Variants in PHC2 observed in about 807,000 individuals in gnomAD.
The protein encoded by PHC2 is polyhomeotic homolog 2.
Under a neutral mutation model 87.4 loss-of-function variants are expected in PHC2, and 29 were observed. That is an observed-to-expected ratio of 0.33 (90% confidence interval 0.25 to 0.45). The LOEUF is 0.45. Ranked by LOEUF, PHC2 falls within the 20% of genes least tolerant of loss-of-function variation. PHC2 has a pLI of 1.00. For missense variants in PHC2, 857 were observed against 1,136.7 expected, an observed-to-expected ratio of 0.75 and a Z score of 3.54; for synonymous variants, 438 against 461.7, an observed-to-expected ratio of 0.95 and a Z score of 0.66.
chr1:33,392,378 ATTCACATGCGCG>A (rs1426323714), intron 1 of PHC2, among the ~76,000 whole-genome samples: 1 of 152,178 alleles, frequency 6.6e-6, no homozygotes, highest in Non-Finnish European at 1.5e-5. Flanking sequence ...GTTATGCCTC[ATTCACATGCGCG>A]TTCTCACGTT....
rs1646571432 is a variant in PHC2 at position 33,334,170 on chromosome 1, G to A, written c.1681C>T (p.Pro561Ser). The A allele has an allele frequency of 4.3e-6, 7 of 1,613,844 alleles. No individual in the cohort carries two copies. The East Asian group carries it at 1.1e-4, about 26-fold the overall frequency. ...ATTTGGGGTTTCACAATGGCCTGTG[G>A]TGGTTTATTCTCACCATTCTGGGGG... is the stretch of plus-strand genomic sequence containing the variant. ...TAPQNGENKP[P>S]QAIVKPQILT... The change falls in exon 10 of 15, where the codon CCA (proline) becomes TCA (serine). Residue 561 changes from proline (P) to serine (S), a missense_variant. Pro to Ser is a moderately conservative substitution (Grantham distance 74). This residue lies in a region of PHC2 where 832 missense variants were observed against 1,081.8 expected (regional missense o/e 0.77). Coordinates refer to ENST00000683057, the MANE Select transcript of PHC2 (RefSeq NM_001385109.1). This position sits in a 1 kb window ranked among gnomAD's most constrained non-coding sequence, Gnocchi z 5.5.
chr1:33,353,746 G>A (rs1647016872), intron 9 of PHC2, among the ~76,000 whole-genome samples: 1 of 152,214 alleles, frequency 6.6e-6, no homozygotes, highest in African/African-American at 2.4e-5. Context: ...ACAGTGCTGT[G>A]CAAACTGGCA....
intron 9 of PHC2, chr1:33,335,476 G>C: frequency 3.7e-6 from 1 of 270,980 alleles, no homozygotes; most frequent in Non-Finnish European, 5.7e-6. Context: ...CACTTGTTAA[G>C]TAATCTTTGC....
chr1:33,346,592 C>T, intron 9 of PHC2: 1 of 985,362 alleles, frequency 1.0e-6, no homozygotes, highest in Non-Finnish European at 1.2e-6. Flanking sequence ...TCTTGGTAAA[C>T]ACCGTACTAA....
At chr1:33,404,215 T>C (rs1331831128) in intron 1 of PHC2, among the ~76,000 whole-genome samples, 2 of 152,252 alleles carry the variant, frequency 1.3e-5, no homozygotes, top group African/African-American at 4.8e-5. Flanking sequence ...CCAGTCATCC[T>C]TGACAATTTT....
At chr1:33,396,956 G>A (rs1438294520) in intron 1 of PHC2, among the ~76,000 whole-genome samples, 7 of 152,192 alleles carry the variant, frequency 4.6e-5, no homozygotes, top group Non-Finnish European at 7.3e-5. Context: ...AATGCCACTC[G>A]CTCTTTGGTT....
chr1:33,409,780 A>G (rs1649910223), intron 1 of PHC2, among the ~76,000 whole-genome samples: 1 of 152,198 alleles, frequency 6.6e-6, no homozygotes, highest in East Asian at 1.9e-4. Flanking sequence ...CTCATAATAT[A>G]TATTTGGTGA....
Position 33,421,378 on chromosome 1 carries a change from GA to G in PHC2, c.-55+9597del, listed in dbSNP as rs113975258. Reference sequence around the variant, plus strand: ...CAGTACTTGAGGTTGGGGGAAATAAGAAAAAAAATAAGAATTTAAATAGCAG... The same window carrying G: ...CAGTACTTGAGGTTGGGGGAAATAAGAAAAAAATAAGAATTTAAATAGCAG... On this transcript the variant is annotated intron_variant, in intron 1 of 14. Coordinates refer to ENST00000683057, the MANE Select transcript of PHC2 (RefSeq NM_001385109.1). 1.5e-3 allele frequency among the ~76,000 whole-genome samples: 230 copies of G among 151,662 alleles called. 4 individuals carry two copies. The highest frequency in any genetic ancestry group is 4.4e-3 in the African/African-American group (184 of 41,380).
intron 1 of PHC2, among the ~76,000 whole-genome samples, chr1:33,424,833 A>C (rs1349085424): frequency 6.6e-6 from 1 of 152,232 alleles, no homozygotes; most frequent in Non-Finnish European, 1.5e-5. Context: ...AGCCATAATA[A>C]GGCCCTGGAA....
Position 33,413,844 on chromosome 1 carries a change from T to C in PHC2, c.-55+17132A>G, listed in dbSNP as rs115832907. Among the ~76,000 whole-genome samples, 1,170 of 152,316 alleles carry C rather than the reference T, an allele frequency of 7.7e-3. 9 individuals carry two copies. Among genetic ancestry groups the C allele is most frequent in the African/African-American group, 0.027 (1,121 of 41,554 alleles). On this transcript the variant is annotated intron_variant, in intron 1 of 14. Coordinates refer to ENST00000683057, the MANE Select transcript of PHC2 (RefSeq NM_001385109.1). ...TAATGAAAAAAGCTGTAATTATCCA[T>C]CAAACTCTGTCTTCGAATGCCTCCT...
chr1:33,377,990 T>G (rs1353613501), intron 1 of PHC2, among the ~76,000 whole-genome samples: 1 of 152,220 alleles, frequency 6.6e-6, no homozygotes, highest in Admixed American at 6.5e-5. Flanking sequence ...CTCTTGACCT[T>G]ACTCTTTAAG....
rs1239776430 is a variant in PHC2 at position 33,324,161 on chromosome 1, C to T, written c.*704G>A. The T allele has an allele frequency of 2.0e-5, 3 of 152,784 alleles. No homozygotes were observed. The highest frequency in any genetic ancestry group is 7.2e-5 in the African/African-American group (3 of 41,452). 9.5% of individuals were successfully genotyped at this position (152,784 alleles called of 1,614,324 possible). On this transcript the variant is annotated 3_prime_UTR_variant, in exon 15 of 15. Transcript: ENST00000683057. ...CTGCCATTCTTGGCTATTCCCCATC[C>T]TGAGGCTGAGTGGAGTCCAGGACAA...
intron 1 of PHC2, among the ~76,000 whole-genome samples, chr1:33,390,738 T>C (rs994268803): frequency 4.0e-5 from 6 of 151,724 alleles, no homozygotes; most frequent in African/African-American, 1.5e-4. Context: ...TTAGGCCTTG[T>C]ACACCACATA....
At chr1:33,375,262 A>C in intron 2 of PHC2, 104 bp downstream of exon 2, 2 of 949,716 alleles carry the variant, frequency 2.1e-6, no homozygotes, top group Non-Finnish European at 3.0e-6. Context: ...TGCCCGTTCT[A>C]GAGTCCACAT....
intron 14 of PHC2, chr1:33,325,843 C>T (rs753353921): frequency 1.5e-5 from 7 of 456,484 alleles, no homozygotes; most frequent in Middle Eastern, 3.3e-4. Context: ...GTGGGCGTGG[C>T]CTCAGAACTG....
At chr1:33,386,814 C>A (rs1300221744) in intron 1 of PHC2, among the ~76,000 whole-genome samples, 1 of 151,984 alleles carries the variant, frequency 6.6e-6, no homozygotes, top group Non-Finnish European at 1.5e-5. Flanking sequence ...GCACACACAC[C>A]CTGCACACAT....
Position 33,349,270 on chromosome 1 carries a change from G to A in PHC2, c.1558+5131C>T, listed in dbSNP as rs1363272127. On this transcript the variant is annotated intron_variant, in intron 9 of 14. Coordinates refer to ENST00000683057, the MANE Select transcript of PHC2 (RefSeq NM_001385109.1). The surrounding 1 kb of genome is among the most constrained non-coding windows in gnomAD (Gnocchi z 4.2). Reference sequence around the variant, plus strand: ...AGTCTCGTCCCCGAACGCACCGTCCGTCCCAGGGAAGTCGCAGCGGCGGGG... The same window carrying A: ...AGTCTCGTCCCCGAACGCACCGTCCATCCCAGGGAAGTCGCAGCGGCGGGG... 1.0e-6 allele frequency: 1 copy of A among 985,412 alleles called. No homozygotes were observed. Among genetic ancestry groups the A allele is most frequent in the Non-Finnish European group, 1.2e-6 (1 of 829,914 alleles). The allele number at this position is 985,412 out of a possible 1,614,324, so 61.0% of individuals were successfully genotyped here.
At chr1:33,346,832 TAGAGA>T in intron 9 of PHC2, 1 of 985,180 alleles carries the variant, frequency 1.0e-6, no homozygotes, top group Non-Finnish European at 1.2e-6. Context: ...ACATTCACAA[TAGAGA>T]AAAGTAGACA....
In PHC2 at chr1:33,364,390, TCACACACACACACACACACACA is replaced by T. The variant is rs34468965; in HGVS notation, c.976+2704_976+2725del. ...CACACACACACACACACACTTGCTT[TCACACACACACACACACACACA>T]CACACACACACACGCTCAAGCACGC... On this transcript the variant is annotated intron_variant, in intron 7 of 14. Transcript: ENST00000683057. This position sits in a 1 kb window ranked among gnomAD's most constrained non-coding sequence, Gnocchi z 4.1. Among the ~76,000 whole-genome samples the T allele has an allele frequency of 9.4e-6, 1 of 106,694 alleles. No individual in the cohort carries two copies. Among genetic ancestry groups the T allele is most frequent in the Non-Finnish European group, 1.8e-5 (1 of 54,112 alleles). The allele number at this position is 106,694 out of a possible 152,430, so 70.0% of individuals were successfully genotyped here.
Sources: allele counts gnomAD v4.1 joint callset (sites outside exome capture counted in the v4.1 genomes callset), GRCh38; gene constraint gnomAD v4.1.1; regional missense constraint gnomAD v4.1.1; non-coding constraint Gnocchi (gnomAD v3.1); transcripts MANE v1.5; gene names NCBI Gene and HGNC (gene_info 2026-07-23, HGNC 2026-07-21).